The following ANO4 variants were observed in gnomAD, a reference collection of about 807,000 sequenced individuals.
ANO4 encodes the protein anoctamin-4.
In ANO4, 69 loss-of-function variants were observed where a neutral mutation model predicts 141.9. The ratio of observed to expected loss-of-function variants is 0.49; its 90% CI spans 0.40 to 0.59. The LOEUF is 0.59. Ranked by LOEUF, ANO4 falls within the 20% of genes least tolerant of loss-of-function variation. The probability of loss-of-function intolerance (pLI) is 0.00; values close to 1 mark genes in which losing one functional copy is unlikely to be tolerated. For synonymous variants in ANO4, 350 were observed against 394.3 expected (o/e 0.89, Z 1.33); for missense variants, 894 against 1,162.2 (o/e 0.77, Z 3.36).
intron 24 of ANO4, among the ~76,000 whole-genome samples, chr12:101,116,072 G>GTGAT (rs2050839076): frequency 6.6e-6 from 1 of 152,196 alleles, no homozygotes; most frequent in African/African-American, 2.4e-5. Context: ...TGTGACTGGA[G>GTGAT]TGATTAGGTT....
chr12:100,898,555 T>G (rs1410199506), intron 1 of ANO4, among the ~76,000 whole-genome samples: 1 of 152,150 alleles, frequency 6.6e-6, no homozygotes, highest in East Asian at 1.9e-4. Flanking sequence ...ATTCTTGAAT[T>G]ATTTTTTATT....
At chr12:100,989,605 CACTGGATGGATGGATAGATG>C (rs2044954389) in intron 8 of ANO4, among the ~76,000 whole-genome samples, 1 of 88,778 alleles carries the variant, frequency 1.1e-5, no homozygotes, top group African/African-American at 4.3e-5. Flanking sequence ...ATGGATAGGT[CACTGGATGGATGGATAGATG>C]GATGGATGGA....
intron 8 of ANO4, among the ~76,000 whole-genome samples, chr12:101,006,342 C>A (rs570625135): frequency 6.6e-6 from 1 of 152,256 alleles, no homozygotes; most frequent in South Asian, 2.1e-4. Context: ...ACACACCTCA[C>A]CATTTTGTCT....
chr12:100,967,491 C>T (rs2043723538), intron 5 of ANO4, among the ~76,000 whole-genome samples: 1 of 151,784 alleles, frequency 6.6e-6, no homozygotes, highest in African/African-American at 2.4e-5. Flanking sequence ...GTAGGTAATG[C>T]CTTCTCAGTT....
At chr12:101,053,287 C>T (rs1256753549) in intron 14 of ANO4, among the ~76,000 whole-genome samples, 2 of 152,192 alleles carry the variant, frequency 1.3e-5, no homozygotes, top group African/African-American at 2.4e-5. Flanking sequence ...ACATAGATAA[C>T]ATTCTTAGGT....
In ANO4 at chr12:101,116,254, TGGG is replaced by T. The variant is rs546438827; in HGVS notation, c.2451-421_2451-419del. The stretch of plus-strand genomic sequence containing the variant: ...CAGGACTGTAGCATGGGATATGAGT[TGGG>T]GGGATCATATGCACACCAATCATAT... On this transcript the variant is annotated intron_variant, in intron 24 of 27. Coordinates refer to ENST00000392977, the MANE Select transcript of ANO4 (RefSeq NM_001286615.2). 2.7e-4 allele frequency among the ~76,000 whole-genome samples: 41 copies of T among 152,228 alleles called. No homozygotes were observed. The South Asian group carries it at 4.8e-3, about 18-fold the overall frequency.
At chr12:100,903,553 A>G (rs908539296) in intron 2 of ANO4, among the ~76,000 whole-genome samples, 2 of 152,164 alleles carry the variant, frequency 1.3e-5, no homozygotes, top group African/African-American at 2.4e-5. Context: ...CTTTATTACT[A>G]TAGTGCATCA....
At chr12:100,967,583 AC>A (rs2043732823) in intron 5 of ANO4, among the ~76,000 whole-genome samples, 1 of 140,246 alleles carries the variant, frequency 7.1e-6, no homozygotes. Flanking sequence ...ACACACACAC[AC>A]ACACACACAC....
At chr12:100,812,321 A>C (rs1195117844) in intron 1 of ANO4, among the ~76,000 whole-genome samples, 2 of 152,042 alleles carry the variant, frequency 1.3e-5, no homozygotes, top group African/African-American at 4.8e-5. Context: ...GTTCTTGGCC[A>C]CTTGATTTTA....
At chr12:100,732,373 G>A (rs1289988237) in intron 1 of ANO4, among the ~76,000 whole-genome samples, 1 of 146,300 alleles carries the variant, frequency 6.8e-6, no homozygotes, top group Admixed American at 7.0e-5. Context: ...ATCATCTTTG[G>A]TGATGTGTCT....
intron 14 of ANO4, among the ~76,000 whole-genome samples, chr12:101,065,130 GAAGAA>G (rs1448348795): frequency 6.6e-6 from 1 of 152,032 alleles, no homozygotes; most frequent in East Asian, 1.9e-4. Context: ...AATAAGTAAA[GAAGAA>G]AAGAAAAAAT....
chr12:101,111,450 G>T (rs1239545377), intron 23 of ANO4, 113 bp from the exon 24 acceptor site: 12 of 1,014,724 alleles, frequency 1.2e-5, no homozygotes, highest in South Asian at 2.0e-5. Flanking sequence ...GTCAGTATTT[G>T]GAAAGATGAA....
At chr12:101,101,216 T>C (rs1021801213) in intron 22 of ANO4, among the ~76,000 whole-genome samples, 10 of 152,216 alleles carry the variant, frequency 6.6e-5, no homozygotes, top group African/African-American at 2.4e-4. Flanking sequence ...CTCTAACCAC[T>C]TTCCTGACTT....
chr12:101,103,113 T>C (rs1326408285), intron 22 of ANO4, among the ~76,000 whole-genome samples: 2 of 147,946 alleles, frequency 1.4e-5, no homozygotes, highest in African/African-American at 5.0e-5. Context: ...TTTTTGAGAT[T>C]TTCTACCATA....
At chr12:100,974,704 C>G (rs949452635) in intron 6 of ANO4, 141 bp from the exon 7 acceptor site, 18 of 864,374 alleles carry the variant, frequency 2.1e-5, no homozygotes, top group Non-Finnish European at 3.6e-5. Context: ...CTGTATTTCT[C>G]ACTGTTAATC....
At chr12:101,095,341 T>C (rs1466814507) in intron 18 of ANO4, among the ~76,000 whole-genome samples, 1 of 152,180 alleles carries the variant, frequency 6.6e-6, no homozygotes, top group Non-Finnish European at 1.5e-5. Context: ...TGGTAGACAA[T>C]GTACCCTGTG....
intron 8 of ANO4, among the ~76,000 whole-genome samples, chr12:101,003,430 A>G (rs55835211): frequency 0.23 from 34,686 of 152,248 alleles, 4,239 homozygotes; most frequent in Non-Finnish European, 0.28. Flanking sequence ...AAGCCTTATG[A>G]CCAAGCATAG....
chr12:100,938,043 G>C (rs535753876), intron 3 of ANO4, among the ~76,000 whole-genome samples: 1 of 152,180 alleles, frequency 6.6e-6, no homozygotes. Context: ...ATCACCTTTG[G>C]GGGGGTCATA....
intron 2 of ANO4, among the ~76,000 whole-genome samples, chr12:100,736,152 G>A (rs2031602445): frequency 6.6e-6 from 1 of 152,136 alleles, no homozygotes; most frequent in Non-Finnish European, 1.5e-5. Context: ...TGGCGGGATG[G>A]GAGCCACGTT....
Sources: allele counts gnomAD v4.1 joint callset (sites outside exome capture counted in the v4.1 genomes callset), GRCh38; gene constraint gnomAD v4.1.1; transcripts MANE v1.5; gene names NCBI Gene and HGNC (gene_info 2026-07-23, HGNC 2026-07-21).